HTR6: variants seen among roughly 807,000 people sequenced by gnomAD.
HTR6 encodes 5-hydroxytryptamine receptor 6, also known as 5-hydroxytryptamine (serotonin) receptor 6, G protein-coupled.
A neutral mutation model predicts 17.4 loss-of-function variants in HTR6; 15 were observed. That is an observed-to-expected ratio of 0.86 (90% CI 0.58 to 1.33). The LOEUF (loss-of-function observed/expected upper bound fraction) is 1.33. HTR6 is among the 40% of genes most tolerant of loss of function. The probability of loss-of-function intolerance (pLI) is 0.00; values close to 1 mark genes in which losing one functional copy is unlikely to be tolerated. For synonymous variants in HTR6, 326 were observed against 295.5 expected, an observed-to-expected ratio of 1.10 and a Z score of -1.06; for missense variants, 578 against 616.0, an observed-to-expected ratio of 0.94 and a Z score of 0.65.
chr1:19,680,064 A>G lies in HTR6; in HGVS notation c.*696A>G, dbSNP rs1403861027. 6.6e-6 allele frequency among the ~76,000 whole-genome samples: 1 copy of G among 152,062 alleles called. No individual in the cohort carries two copies. Among genetic ancestry groups the G allele is most frequent in the Non-Finnish European group, 1.5e-5 (1 of 68,000 alleles). ...CATGTGGGCCTCTGCTCTACCACCTATGAGCTCTGGGGCCTGACACGAGTT... is the reference window on the plus strand; with the variant it reads ...CATGTGGGCCTCTGCTCTACCACCTGTGAGCTCTGGGGCCTGACACGAGTT... On this transcript the variant is annotated 3_prime_UTR_variant, in exon 3 of 3. Transcript: ENST00000289753.
At chr1:19,677,742 T>G (rs1392777480) in intron 1 of HTR6, among the ~76,000 whole-genome samples, 2 of 152,162 alleles carry the variant, frequency 1.3e-5, no homozygotes, top group African/African-American at 2.4e-5. Flanking sequence ...ATTGATTTTG[T>G]GTGTGTCTGT....
rs1458088170 is a variant in HTR6 at position 19,665,099 on chromosome 1, G to T, written c.-655G>T. Among the ~76,000 whole-genome samples the T allele has an allele frequency of 6.6e-6, 1 of 151,612 alleles. No individual in the cohort carries two copies. Among genetic ancestry groups the T allele is most frequent in the Non-Finnish European group, 1.5e-5 (1 of 67,806 alleles). ...GGTGGGGAGGGGGCGCCGCGCGGCCGCTGCCCTCCTCTTCCCGCGGGGCCT... is the reference window on the plus strand; with the variant it reads ...GGTGGGGAGGGGGCGCCGCGCGGCCTCTGCCCTCCTCTTCCCGCGGGGCCT... On this transcript the variant is annotated 5_prime_UTR_variant, in exon 1 of 3. Coordinates refer to ENST00000289753, the MANE Select transcript of HTR6 (RefSeq NM_000871.3). This position sits in a 1 kb window ranked among gnomAD's most constrained non-coding sequence, Gnocchi z 4.2.
Position 19,679,122 on chromosome 1 carries a change from C to G in HTR6, c.1077C>G (p.Gly359=). The G allele has an allele frequency of 6.2e-7, 1 of 1,611,696 alleles. No homozygotes were observed. Among genetic ancestry groups the G allele is most frequent in the Non-Finnish European group, 8.5e-7 (1 of 1,179,222 alleles). ...CATCACTGCGCACCTCTCACAGCGG[C>G]CCCCGGCCCGGCCTTAGCCTACAGC... is the stretch of plus-strand genomic sequence containing the variant. ...ASPSLRTSHS[G]PRPGLSLQQV... Residue 359 remains glycine (G), a synonymous_variant, in exon 3 of 3, where the codon GGC becomes GGG. Transcript: ENST00000289753. This position sits in a 1 kb window ranked among gnomAD's most constrained non-coding sequence, Gnocchi z 4.9.
At position 19,666,068 on chromosome 1, in the gene HTR6, C is replaced by T. The variant is rs200417532; in HGVS notation, c.315C>T (p.Phe105=). 10 of 1,613,162 alleles carry T rather than the reference C, an allele frequency of 6.2e-6. No individual in the cohort carries two copies. The highest frequency in any genetic ancestry group is 8.5e-6 in the Non-Finnish European group (10 of 1,179,822). ...GCCTCTGCCTGCTCTGGACCGCCTTCGACGTGATGTGCTGCAGCGCCTCCA... is the reference window on the plus strand; with the variant it reads ...GCCTCTGCCTGCTCTGGACCGCCTTTGACGTGATGTGCTGCAGCGCCTCCA... The part of the protein sequence containing the change: ...ARGLCLLWTA[F]DVMCCSASIL... The change falls in exon 1 of 3, where the codon TTC becomes TTT. Residue 105 remains phenylalanine (F), a synonymous_variant. Transcript: ENST00000289753. The surrounding 1 kb of genome is among the most constrained non-coding windows in gnomAD (Gnocchi z 4.5).
chr1:19,678,507 AG>A, intron 1 of HTR6, 59 bp from the exon 2 acceptor site: 1 of 1,591,240 alleles, frequency 6.3e-7, no homozygotes, highest in Non-Finnish European at 8.6e-7. Flanking sequence ...GTCTGTGGCT[AG>A]GATCAGGGTC....
At chr1:19,673,746 A>G (rs1391948683) in intron 1 of HTR6, among the ~76,000 whole-genome samples, 1 of 152,246 alleles carries the variant, frequency 6.6e-6, no homozygotes, top group Non-Finnish European at 1.5e-5. Context: ...AAAGGAATAC[A>G]TAAATACACT....
At position 19,679,195 on chromosome 1, in the gene HTR6, G is replaced by A. The variant is rs201283813; in HGVS notation, c.1150G>A (p.Ala384Thr). The A allele has an allele frequency of 1.7e-5, 27 of 1,574,894 alleles. No individual in the cohort carries two copies. Among genetic ancestry groups the A allele is most frequent in the South Asian group, 3.4e-5 (3 of 87,778 alleles). The change falls in exon 3 of 3, where the codon GCA becomes ACA. Residue 384 changes from alanine to threonine, a missense_variant. Physicochemically the swap from Ala to Thr is moderately conservative, Grantham distance 58. Coordinates refer to ENST00000289753, the MANE Select transcript of HTR6 (RefSeq NM_000871.3). This position sits in a 1 kb window ranked among gnomAD's most constrained non-coding sequence, Gnocchi z 4.9. ...GCCGGACTCAGATTCGGACTCAGAC[G>A]CAGGCTCAGGCGGCTCCTCGGGCCT... is the stretch of plus-strand genomic sequence containing the variant. ...LPPDSDSDSD[A>T]GSGGSSGLRL... is the part of the protein sequence containing the mutation.
Position 19,665,726 on chromosome 1 carries a change from A to G in HTR6, c.-28A>G. 2 of 1,383,178 alleles carry G rather than the reference A, an allele frequency of 1.4e-6. No individual in the cohort carries two copies. Among genetic ancestry groups the G allele is most frequent in the Non-Finnish European group, 1.9e-6 (2 of 1,042,402 alleles). 85.7% of individuals were successfully genotyped at this position (1,383,178 alleles called of 1,614,324 possible). Reference sequence around the variant, plus strand: ...TCATCTGCTTTCCCGCCACCCTATCACTCCCTTGCCGTCCACCCTCGGTCC... The same window carrying G: ...TCATCTGCTTTCCCGCCACCCTATCGCTCCCTTGCCGTCCACCCTCGGTCC... On this transcript the variant is annotated 5_prime_UTR_variant, in exon 1 of 3. Transcript: ENST00000289753. The surrounding 1 kb of genome is among the most constrained non-coding windows in gnomAD (Gnocchi z 4.2).
intron 1 of HTR6, among the ~76,000 whole-genome samples, chr1:19,668,390 C>A (rs1325860293): frequency 1.3e-5 from 2 of 152,118 alleles, no homozygotes; most frequent in Non-Finnish European, 2.9e-5. Context: ...TATGCACTGG[C>A]CCGATCATAA....
chr1:19,670,689 C>T (rs929387156), intron 1 of HTR6, among the ~76,000 whole-genome samples: 1 of 152,080 alleles, frequency 6.6e-6, no homozygotes, highest in Non-Finnish European at 1.5e-5. Context: ...GTCTTGAAAC[C>T]CTGAGCTCAG....
At position 19,666,332 on chromosome 1, in the gene HTR6, G is replaced by A. The variant is rs752331612; in HGVS notation, c.579G>A (p.Ser193=). The A allele has an allele frequency of 2.5e-6, 4 of 1,613,502 alleles. No individual in the cohort carries two copies. The highest frequency in any genetic ancestry group is 3.4e-6 in the Non-Finnish European group (4 of 1,179,962). Residue 193 remains serine, a synonymous_variant, in exon 1 of 3, where the codon TCG becomes TCA. Coordinates refer to ENST00000289753, the MANE Select transcript of HTR6 (RefSeq NM_000871.3). This position sits in a 1 kb window ranked among gnomAD's most constrained non-coding sequence, Gnocchi z 4.5. ...GCCTGCCTTTTGTCCTTGTGGCGTC[G>A]GGCCTCACCTTCTTCCTGCCCTCGG... ...LASLPFVLVA[S]GLTFFLPSGA...
intron 1 of HTR6, among the ~76,000 whole-genome samples, chr1:19,674,538 T>G (rs868596387): frequency 6.3e-4 from 96 of 151,738 alleles, no homozygotes; most frequent in African/African-American, 2.1e-3. Flanking sequence ...TCCTGAGTAG[T>G]GGGACTACAG....
rs1197343369 is a variant in HTR6, at chr1:19,679,369, C to A, written c.*1C>A. ...TCCACTTGGCATCCCCACGAACTGA[C>A]CCGGGCTTGGGGCTGGCCAATGGGG... On this transcript the variant is annotated 3_prime_UTR_variant, in exon 3 of 3. Coordinates refer to ENST00000289753, the MANE Select transcript of HTR6 (RefSeq NM_000871.3). The surrounding 1 kb of genome is among the most constrained non-coding windows in gnomAD (Gnocchi z 4.9). 1 of 1,579,932 alleles carries A rather than the reference C, an allele frequency of 6.3e-7. No homozygotes were observed.
intron 1 of HTR6, among the ~76,000 whole-genome samples, chr1:19,669,627 C>T (rs2095085437): frequency 6.6e-6 from 1 of 152,182 alleles, no homozygotes; most frequent in African/African-American, 2.4e-5. Context: ...CTGTTGGGTC[C>T]TCCTGATCCG....
Position 19,666,542 on chromosome 1 carries a change from T to G in HTR6, c.714+75T>G. ...GCAGCCCCTGGGGACCCCCTGGGCA[T>G]CCCCACTTAGCACACATTTGCTCAT... On this transcript the variant is annotated intron_variant, in intron 1 of 2. Transcript: ENST00000289753. The surrounding 1 kb of genome is among the most constrained non-coding windows in gnomAD (Gnocchi z 4.5). The G allele has an allele frequency of 9.1e-7, 1 of 1,104,952 alleles. No individual in the cohort carries two copies. Among genetic ancestry groups the G allele is most frequent in the Non-Finnish European group, 1.3e-6 (1 of 783,060 alleles). 68.4% of individuals were successfully genotyped at this position (1,104,952 alleles called of 1,614,324 possible). A position where few individuals can be genotyped will look rare whatever the true frequency, so the allele number is the denominator to read the frequency against.
In HTR6 at chr1:19,679,068, C is replaced by A. The variant is rs201839377; in HGVS notation, c.1023C>A (p.Pro341=). ...GGTTCCTGCCATGTCCACGCTGTCC[C>A]CGGGAGCGCCAGGCCAGCCTGGCCT... ...LGRFLPCPRC[P]RERQASLASP... is the part of the protein sequence containing the mutation. Residue 341 remains proline, a synonymous_variant, in exon 3 of 3, where the codon CCC becomes CCA. Transcript: ENST00000289753. The surrounding 1 kb of genome is among the most constrained non-coding windows in gnomAD (Gnocchi z 4.9). 102 of 1,613,896 alleles carry A rather than the reference C, an allele frequency of 6.3e-5. No homozygotes were observed. Among genetic ancestry groups the A allele is most frequent in the Non-Finnish European group, 8.1e-5 (96 of 1,179,948 alleles).
chr1:19,674,561 A>G (rs1267505595), intron 1 of HTR6, among the ~76,000 whole-genome samples: 1 of 151,968 alleles, frequency 6.6e-6, no homozygotes, highest in Non-Finnish European at 1.5e-5. Context: ...ATGCACCACC[A>G]CACCTGGCTA....
Position 19,679,291 on chromosome 1 carries a change from G to A in HTR6, c.1246G>A (p.Ala416Thr). 8 of 1,607,328 alleles carry A rather than the reference G, an allele frequency of 5.0e-6. No individual in the cohort carries two copies. The highest frequency in any genetic ancestry group is 6.8e-6 in the Non-Finnish European group (8 of 1,178,020). The change falls in exon 3 of 3, where the codon GCC becomes ACC. Residue 416 changes from alanine to threonine, a missense_variant. Transcript: ENST00000289753. The surrounding 1 kb of genome is among the most constrained non-coding windows in gnomAD (Gnocchi z 4.9). The part of the protein sequence containing the change: ...QDPPLPTRAA[A>T]AVNFFNIDPA... The stretch of plus-strand genomic sequence containing the variant: ...CCCCCCGCTGCCCACCAGGGCCGCT[G>A]CCGCCGTCAATTTCTTCAACATCGA...
At position 19,678,594 on chromosome 1, in the gene HTR6, G is replaced by A. The variant is rs758385987; in HGVS notation, c.742G>A (p.Glu248Lys). Reference protein sequence around the residue: ...QVPRTPRPGVESADSRRLATK... With the variant: ...QVPRTPRPGVKSADSRRLATK... ...GCCCAGGACCCCACGCCCAGGGGTG[G>A]AGTCTGCTGACAGCAGGCGTCTAGC... Residue 248 changes from glutamate to lysine, a missense_variant, in exon 2 of 3, where the codon GAG becomes AAG. By Grantham distance (56) the Glu-to-Lys change is moderately conservative. Transcript: ENST00000289753. 3.0e-5 allele frequency: 49 copies of A among 1,612,702 alleles called. No individual in the cohort carries two copies. The highest frequency in any genetic ancestry group is 4.0e-5 in the Non-Finnish European group (47 of 1,180,002).
Sources: allele counts gnomAD v4.1 joint callset (sites outside exome capture counted in the v4.1 genomes callset), GRCh38; gene constraint gnomAD v4.1.1; non-coding constraint Gnocchi (gnomAD v3.1); transcripts MANE v1.5; gene names NCBI Gene and HGNC (gene_info 2026-07-23, HGNC 2026-07-21).